The following ZNF516 variants were observed in gnomAD, a reference collection of about 807,000 sequenced individuals.
ZNF516 encodes the protein zinc finger protein 516.
Under a neutral mutation model 79.7 loss-of-function variants are expected in ZNF516, and 19 were observed. The observed-to-expected ratio is 0.24, with a 90% CI of 0.17 to 0.35. The LOEUF (loss-of-function observed/expected upper bound fraction) is 0.35. Ranked by LOEUF, ZNF516 falls within the 10% of genes least tolerant of loss-of-function variation. The pLI is 1.00. For synonymous variants in ZNF516, 877 were observed against 739.5 expected (o/e 1.19, Z -3.02); for missense variants, 1,678 against 1,679.5 (o/e 1.00, Z 0.02).
intron 1 of ZNF516, among the ~76,000 whole-genome samples, chr18:76,475,908 T>G (rs1200511095): frequency 6.6e-6 from 1 of 152,234 alleles, no homozygotes; most frequent in Non-Finnish European, 1.5e-5. Context: ...GCGAATGTAT[T>G]TAAATGCCTA....
chr18:76,430,824 G>T (rs1168371706), intron 3 of ZNF516, among the ~76,000 whole-genome samples: 2 of 152,210 alleles, frequency 1.3e-5, no homozygotes, highest in Non-Finnish European at 2.9e-5. Flanking sequence ...ATATTTGGCA[G>T]CTAACAGTTC....
chr18:76,368,864 G>A (rs887598488), intron 6 of ZNF516, among the ~76,000 whole-genome samples: 4 of 152,146 alleles, frequency 2.6e-5, no homozygotes, highest in African/African-American at 9.7e-5. Context: ...TTCTCCCTGG[G>A]ACAAGAGTTT....
At chr18:76,478,398 T>C (rs1030232479) in intron 1 of ZNF516, among the ~76,000 whole-genome samples, 2 of 152,182 alleles carry the variant, frequency 1.3e-5, no homozygotes, top group Admixed American at 6.5e-5. Context: ...CTTGTTTATA[T>C]TGAGAGGTTG....
At chr18:76,461,160 C>T (rs974686626) in intron 2 of ZNF516, among the ~76,000 whole-genome samples, 2 of 152,114 alleles carry the variant, frequency 1.3e-5, no homozygotes, top group Admixed American at 6.6e-5. Context: ...CCAACCTGGG[C>T]GACAGAGCCT....
chr18:76,428,758 G>A (rs570930656), intron 3 of ZNF516, among the ~76,000 whole-genome samples: 1 of 152,390 alleles, frequency 6.6e-6, no homozygotes, highest in Non-Finnish European at 1.5e-5. Flanking sequence ...AGGAAGAGGT[G>A]AGGCCGGTAA....
intron 3 of ZNF516, among the ~76,000 whole-genome samples, chr18:76,426,493 G>GT (rs1331756927): frequency 6.6e-6 from 1 of 152,052 alleles, no homozygotes; most frequent in Non-Finnish European, 1.5e-5. Flanking sequence ...AATCTTCAGT[G>GT]TAAGTATATC....
chr18:76,363,072 A>G (rs1440518582), intron 6 of ZNF516, among the ~76,000 whole-genome samples: 1 of 152,240 alleles, frequency 6.6e-6, no homozygotes, highest in Admixed American at 6.5e-5. Flanking sequence ...ACCCATTTCC[A>G]TAAACAATTA....
intron 1 of ZNF516, among the ~76,000 whole-genome samples, chr18:76,466,331 G>A (rs965964791): frequency 4.6e-5 from 7 of 152,094 alleles, no homozygotes; most frequent in Non-Finnish European, 1.0e-4. Context: ...CGTTCCCTTG[G>A]GAGTCTCAGG....
chr18:76,391,152 GAA>G (rs920494269), intron 3 of ZNF516, among the ~76,000 whole-genome samples: 63 of 152,264 alleles, frequency 4.1e-4, no homozygotes, highest in African/African-American at 1.4e-3. Flanking sequence ...ATTTCGAAAA[GAA>G]AAGAGAAAAT....
intron 1 of ZNF516, among the ~76,000 whole-genome samples, chr18:76,480,484 CAT>C (rs933110218): frequency 1.1e-4 from 15 of 134,026 alleles, no homozygotes; most frequent in African/African-American, 3.2e-4. Context: ...TACACACACA[CAT>C]ATACACATAC....
chr18:76,430,503 C>G (rs1036470761), intron 3 of ZNF516, among the ~76,000 whole-genome samples: 3 of 152,200 alleles, frequency 2.0e-5, no homozygotes, highest in African/African-American at 7.2e-5. Flanking sequence ...ATATTGGAAT[C>G]AATCACTGGA....
rs1487932307 is a variant in ZNF516 at position 76,447,170 on chromosome 18, C to CTTGTT, written c.-157-3960_-157-3959insAACAA. On this transcript the variant is annotated intron_variant, in intron 2 of 6. Coordinates refer to ENST00000443185, the MANE Select transcript of ZNF516 (RefSeq NM_014643.4). Reference sequence around the variant, plus strand: ...AATTGCTATTTAAGACAAGGGCATCCCTTCCAAAAAAAGAACAAGAATGCT... The same window carrying CTTGTT: ...AATTGCTATTTAAGACAAGGGCATCCTTGTTCTTCCAAAAAAAGAACAAGAATGCT... 3.1e-3 allele frequency among the ~76,000 whole-genome samples: 465 copies of CTTGTT among 152,324 alleles called. 2 individuals are homozygous for CTTGTT. The highest frequency in any genetic ancestry group is 0.011 in the African/African-American group (450 of 41,578).
At chr18:76,427,526 T>C (rs1339682708) in intron 3 of ZNF516, among the ~76,000 whole-genome samples, 2 of 152,180 alleles carry the variant, frequency 1.3e-5, no homozygotes, top group African/African-American at 4.8e-5. Context: ...GTTAACACAA[T>C]GTGGAATAAA....
chr18:76,407,730 A>T (rs1220566838), intron 3 of ZNF516, among the ~76,000 whole-genome samples: 1 of 152,238 alleles, frequency 6.6e-6, no homozygotes, highest in Non-Finnish European at 1.5e-5. Flanking sequence ...TTCGAAGGTG[A>T]ACACCCTTAT....
intron 1 of ZNF516, among the ~76,000 whole-genome samples, chr18:76,485,858 C>A (rs1449030511): frequency 7.0e-6 from 1 of 143,782 alleles, no homozygotes; most frequent in Non-Finnish European, 1.5e-5. Flanking sequence ...TGTTCATTAA[C>A]TCATTTCTTT....
intron 3 of ZNF516, among the ~76,000 whole-genome samples, chr18:76,417,408 A>G (rs1481022521): frequency 1.3e-5 from 2 of 152,244 alleles, no homozygotes; most frequent in South Asian, 2.1e-4. Context: ...TCTGCCTTCA[A>G]TAACGGGGAA....
At chr18:76,404,299 C>T (rs143196409) in intron 3 of ZNF516, among the ~76,000 whole-genome samples, 3 of 152,368 alleles carry the variant, frequency 2.0e-5, no homozygotes, top group East Asian at 1.9e-4. Flanking sequence ...TGATCCCACT[C>T]GCCCCACTCC....
intron 1 of ZNF516, among the ~76,000 whole-genome samples, chr18:76,466,575 C>T (rs1334159441): frequency 6.6e-6 from 1 of 152,202 alleles, no homozygotes; most frequent in South Asian, 2.1e-4. Context: ...ATGCAGGTGC[C>T]GGGGCCGCGC....
chr18:76,370,840 C>T (rs1306177031), intron 5 of ZNF516, among the ~76,000 whole-genome samples: 1 of 152,210 alleles, frequency 6.6e-6, no homozygotes, highest in East Asian at 1.9e-4. Flanking sequence ...CATTAATTAT[C>T]GGTGTGTGTG....
Sources: allele counts gnomAD v4.1 joint callset (sites outside exome capture counted in the v4.1 genomes callset), GRCh38; gene constraint gnomAD v4.1.1; transcripts MANE v1.5; gene names NCBI Gene and HGNC (gene_info 2026-07-23, HGNC 2026-07-21).